The following KIF3B variants were observed in gnomAD, a reference collection of about 807,000 sequenced individuals.
The protein encoded by KIF3B is kinesin family member 3B.
KIF3B carries 38 observed loss-of-function variants against 74.3 expected under a neutral mutation model. That is an observed-to-expected ratio of 0.51 (90% CI 0.39 to 0.67). The LOEUF (loss-of-function observed/expected upper bound fraction) is 0.67. Among genes scored for constraint, KIF3B ranks in the 30% least tolerant of loss-of-function variants. The probability of loss-of-function intolerance (pLI) is 0.00; values close to 1 mark genes in which losing one functional copy is unlikely to be tolerated. For missense variants in KIF3B, 649 were observed against 932.0 expected, an observed-to-expected ratio of 0.70 and a Z score of 3.95; for synonymous variants, 326 against 342.5, an observed-to-expected ratio of 0.95 and a Z score of 0.53.
At chr20:32,299,403 A>ATATATTTTTTTTTTTTTTTTT (rs1555895046) in intron 1 of KIF3B, among the ~76,000 whole-genome samples, 2 of 9,026 alleles carry the variant, frequency 2.2e-4, no homozygotes, top group African/African-American at 1.2e-3. Flanking sequence ...ATATATATAT[A>ATATATTTTTTTTTTTTTTTTT]TTTTTTTTTT....
chr20:32,299,402 TA>T (rs1413005971), intron 1 of KIF3B, among the ~76,000 whole-genome samples: 850 of 68,386 alleles, frequency 0.012, 15 homozygotes, highest in African/African-American at 0.029. Context: ...TATATATATA[TA>T]TTTTTTTTTT....
intron 1 of KIF3B, among the ~76,000 whole-genome samples, chr20:32,288,439 C>T (rs958734510): frequency 1.9e-4 from 29 of 152,064 alleles, no homozygotes; most frequent in Admixed American, 1.5e-3. Flanking sequence ...GCCATGATTG[C>T]GCTACTGCAT....
chr20:32,318,915 A>C (rs1445514586), intron 5 of KIF3B, among the ~76,000 whole-genome samples: 2 of 151,002 alleles, frequency 1.3e-5, no homozygotes, highest in Non-Finnish European at 2.9e-5. Context: ...TGTTTGCCAC[A>C]GTGGCTGCAC....
intron 1 of KIF3B, among the ~76,000 whole-genome samples, chr20:32,309,129 A>G (rs1326026754): frequency 6.6e-6 from 1 of 150,548 alleles, no homozygotes; most frequent in Non-Finnish European, 1.5e-5. Flanking sequence ...CAGTCCTCCC[A>G]TCTCAGCTTC....
chr20:32,323,126 T>TTA (rs2047883093), intron 5 of KIF3B, among the ~76,000 whole-genome samples: 3 of 93,206 alleles, frequency 3.2e-5, no homozygotes, highest in East Asian at 3.7e-4. Flanking sequence ...ATATTTATAT[T>TTA]TATATATTTA....
rs1457938293 is a variant in KIF3B, at chr20:32,327,623, A to C, written c.1930A>C (p.Arg644=). The part of the protein sequence containing the change: ...GYKRPLSQHA[R]MSMMIRPEAR... ...TAAGAGACCATTGAGCCAGCACGCA[A>C]GAATGTCCATGATGATTCGTCCAGA... is the stretch of plus-strand genomic sequence containing the variant. Residue 644 remains arginine, a synonymous_variant, in exon 7 of 9, where the codon AGA becomes CGA. Coordinates refer to ENST00000375712, the MANE Select transcript of KIF3B (RefSeq NM_004798.4). 2.3e-5 allele frequency: 37 copies of C among 1,613,264 alleles called. No individual in the cohort carries two copies. The highest frequency in any genetic ancestry group is 3.1e-5 in the Non-Finnish European group (36 of 1,179,696).
At chr20:32,330,342 G>C (rs1251914952) in intron 8 of KIF3B, 23 bp downstream of exon 8, 1 of 1,606,652 alleles carries the variant, frequency 6.2e-7, no homozygotes, top group Non-Finnish European at 8.5e-7. Flanking sequence ...GATGACGTGT[G>C]TTTAAACAGA....
intron 7 of KIF3B, among the ~76,000 whole-genome samples, chr20:32,329,252 A>G (rs141639798): frequency 0.023 from 3,468 of 152,242 alleles, 61 homozygotes; most frequent in Non-Finnish European, 0.035. Context: ...CATGTTGGCC[A>G]GGCTGCTCTC....
At chr20:32,280,607 C>G (rs6057555) in intron 1 of KIF3B, among the ~76,000 whole-genome samples, 292 of 146,112 alleles carry the variant, frequency 2.0e-3, no homozygotes, top group African/African-American at 7.1e-3. Flanking sequence ...CCCAGCTACT[C>G]GGGAGGCTGA....
At chr20:32,278,982 G>A (rs1272300117) in intron 1 of KIF3B, among the ~76,000 whole-genome samples, 1 of 143,658 alleles carries the variant, frequency 7.0e-6, no homozygotes, top group Non-Finnish European at 1.5e-5. Flanking sequence ...GGAGTGCAGT[G>A]GCGCGATCTC....
intron 1 of KIF3B, among the ~76,000 whole-genome samples, chr20:32,306,600 T>C (rs1413730896): frequency 1.5e-5 from 2 of 132,220 alleles, no homozygotes; most frequent in African/African-American, 6.1e-5. Context: ...TTTTTTTTTT[T>C]TTTTTTTTGA....
At chr20:32,298,918 A>G (rs1425342013) in intron 1 of KIF3B, among the ~76,000 whole-genome samples, 1 of 152,072 alleles carries the variant, frequency 6.6e-6, no homozygotes, top group East Asian at 1.9e-4. Context: ...ACCTCAGCCT[A>G]CCAAAGTGCT....
chr20:32,313,846 A>G (rs898823326), intron 2 of KIF3B, among the ~76,000 whole-genome samples: 6 of 152,136 alleles, frequency 3.9e-5, no homozygotes, highest in Non-Finnish European at 7.3e-5. Flanking sequence ...ATCTGGGACT[A>G]CAGGTGTGCA....
At chr20:32,318,440 A>T (rs1239072169) in intron 5 of KIF3B, among the ~76,000 whole-genome samples, 1 of 152,190 alleles carries the variant, frequency 6.6e-6, no homozygotes, top group African/African-American at 2.4e-5. Context: ...AAGAAACTCT[A>T]CCAGTTAGTA....
chr20:32,316,454 TGA>T (rs1456538397), intron 3 of KIF3B, 71 bp from the exon 4 acceptor site: 4 of 1,600,638 alleles, frequency 2.5e-6, no homozygotes, highest in Non-Finnish European at 3.4e-6. Flanking sequence ...CTGGAGACTC[TGA>T]TCCTAGCTTG....
At chr20:32,280,272 AAATT>A (rs1210733674) in intron 1 of KIF3B, among the ~76,000 whole-genome samples, 2 of 152,190 alleles carry the variant, frequency 1.3e-5, no homozygotes, top group Non-Finnish European at 2.9e-5. Context: ...GTGAAAGAAT[AAATT>A]AAAGTATGTG....
At chr20:32,323,311 A>G (rs2047885542) in intron 5 of KIF3B, among the ~76,000 whole-genome samples, 1 of 149,496 alleles carries the variant, frequency 6.7e-6, no homozygotes, top group South Asian at 2.1e-4. Context: ...TGCTCGTTTT[A>G]AGATCTACAT....
Position 32,309,973 on chromosome 20 carries a change from A to T in KIF3B, c.196A>T (p.Asn66Tyr), listed in dbSNP as rs749048096. The change falls in exon 2 of 9, where the codon AAT (asparagine) becomes TAT (tyrosine). Residue 66 changes from asparagine to tyrosine, a missense_variant. Asn to Tyr is a moderately radical substitution (Grantham distance 143). Transcript: ENST00000375712. ...CACCTTTGATGCCGTCTATGACTGG[A>T]ATGCCAAGCAGTTTGAACTGTACGA... is the stretch of plus-strand genomic sequence containing the variant. ...TFTFDAVYDW[N>Y]AKQFELYDET... is the part of the protein sequence containing the mutation. The T allele has an allele frequency of 4.5e-5, 73 of 1,614,080 alleles. No homozygotes were observed. The highest frequency in any genetic ancestry group is 6.7e-5 in the Admixed American group (4 of 59,994).
chr20:32,325,066 G>A (rs895684383), intron 5 of KIF3B, among the ~76,000 whole-genome samples: 1 of 152,040 alleles, frequency 6.6e-6, no homozygotes, highest in Non-Finnish European at 1.5e-5. Flanking sequence ...TGTGTGTGTC[G>A]GTCAGTCCTC....
Sources: allele counts gnomAD v4.1 joint callset (sites outside exome capture counted in the v4.1 genomes callset), GRCh38; gene constraint gnomAD v4.1.1; transcripts MANE v1.5; gene names NCBI Gene and HGNC (gene_info 2026-07-23, HGNC 2026-07-21).